The following DNMT1 variants were observed in gnomAD, a reference collection of about 807,000 sequenced individuals.
The protein encoded by DNMT1 is DNA methyltransferase 1, also known as DNA (cytosine-5)-methyltransferase 1.
Under a neutral mutation model 205.3 loss-of-function variants are expected in DNMT1, and 24 were observed. That is an observed-to-expected ratio of 0.12 (90% CI 0.08 to 0.16). The LOEUF is 0.16. Among genes scored for constraint, DNMT1 ranks in the 10% least tolerant of loss-of-function variants. DNMT1 has a pLI of 1.00. For missense variants in DNMT1, 1,293 were observed against 2,177.7 expected, an observed-to-expected ratio of 0.59 and a Z score of 8.09; for synonymous variants, 817 against 839.8, an observed-to-expected ratio of 0.97 and a Z score of 0.47.
chr19:10,183,125 A>ATATACGTGTGTGTATATATATATAT (rs767124770), intron 1 of DNMT1, among the ~76,000 whole-genome samples: 48 of 117,464 alleles, frequency 4.1e-4, no homozygotes, highest in African/African-American at 1.4e-3. Flanking sequence ...ATATATATAT[A>ATATACGTGTGTGTATATATATATAT]TTTTTTTTTT....
rs377486772 is a variant in DNMT1, at chr19:10,168,435, T to C, written c.769-71A>G. 8 of 1,532,522 alleles carry C rather than the reference T, an allele frequency of 5.2e-6. No homozygotes were observed. In the African/African-American group the frequency reaches 5.5e-5, roughly 10 times the overall value. 94.9% of individuals were successfully genotyped at this position (1,532,522 alleles called of 1,614,324 possible). A position where few individuals can be genotyped will look rare whatever the true frequency, so the allele number is the denominator to read the frequency against. On this transcript the variant is annotated intron_variant, in intron 9 of 40. Coordinates refer to ENST00000359526, the MANE Select transcript of DNMT1 (RefSeq NM_001130823.3). ...TGGATCTTTCTATTAAAGTGTCCTA[T>C]GGAAATAAAACACCTGAACTGATTC... is the stretch of plus-strand genomic sequence containing the variant.
intron 6 of DNMT1, among the ~76,000 whole-genome samples, chr19:10,176,061 A>T (rs1227266334): frequency 6.6e-6 from 1 of 152,064 alleles, no homozygotes; most frequent in East Asian, 1.9e-4. Context: ...CCAGCTACTC[A>T]GGAGGCTGAG....
At chr19:10,141,986 C>A (rs1434956370) in intron 30 of DNMT1, 42 bp downstream of exon 30, 1 of 1,607,890 alleles carries the variant, frequency 6.2e-7, no homozygotes, top group South Asian at 1.1e-5. Flanking sequence ...TTCTGGCCAA[C>A]TTTGACCCCG....
In DNMT1 at chr19:10,159,211, A is replaced by C. The variant is rs1396682960; in HGVS notation, c.1280+447T>G. 6.6e-6 allele frequency among the ~76,000 whole-genome samples: 1 copy of C among 152,146 alleles called. No homozygotes were observed. The highest frequency in any genetic ancestry group is 2.4e-5 in the African/African-American group (1 of 41,440). ...ATCAGCAAAGCTCTATTGTCCCTTCATCAGCTTTCCACGTGGCTCTTTGAG... is the reference window on the plus strand; with the variant it reads ...ATCAGCAAAGCTCTATTGTCCCTTCCTCAGCTTTCCACGTGGCTCTTTGAG... On this transcript the variant is annotated intron_variant, in intron 17 of 40. Coordinates refer to ENST00000359526, the MANE Select transcript of DNMT1 (RefSeq NM_001130823.3). The surrounding 1 kb of genome is among the most constrained non-coding windows in gnomAD (Gnocchi z 5.0).
chr19:10,142,423 T>C (rs8112801), intron 29 of DNMT1, among the ~76,000 whole-genome samples: 28 of 147,808 alleles, frequency 1.9e-4, no homozygotes, highest in African/African-American at 5.5e-4. Flanking sequence ...CAAGGTAGAC[T>C]CCCCCCCATT....
chr19:10,170,409 C>T (rs915387004), intron 9 of DNMT1, among the ~76,000 whole-genome samples: 28 of 151,680 alleles, frequency 1.8e-4, no homozygotes, highest in African/African-American at 6.0e-4. Flanking sequence ...GAGGCCGAGG[C>T]GGGTGGATCA....
At chr19:10,149,728 G>A in intron 25 of DNMT1, 71 bp from the exon 26 acceptor site, 2 of 1,610,100 alleles carry the variant, frequency 1.2e-6, no homozygotes, top group East Asian at 2.2e-5. Flanking sequence ...AGTCTATGCA[G>A]GAGCACTCGT....
At position 10,159,794 on chromosome 19, in the gene DNMT1, T is replaced by C. The variant is rs533939191; in HGVS notation, c.1171-27A>G. ...TGAAGGACACGGGGCTGGTGAGCAG[T>C]GGGACAAGGGACAGGCAGAGGAAGG... On this transcript the variant is annotated intron_variant, in intron 16 of 40. Coordinates refer to ENST00000359526, the MANE Select transcript of DNMT1 (RefSeq NM_001130823.3). The surrounding 1 kb of genome is among the most constrained non-coding windows in gnomAD (Gnocchi z 5.0). 1.1e-5 allele frequency: 18 copies of C among 1,613,966 alleles called. No individual in the cohort carries two copies. Among genetic ancestry groups the C allele is most frequent in the Admixed American group, 6.7e-5 (4 of 59,990 alleles).
intron 1 of DNMT1, among the ~76,000 whole-genome samples, chr19:10,189,952 C>T (rs2039268072): frequency 6.6e-6 from 1 of 152,208 alleles, no homozygotes; most frequent in Admixed American, 6.5e-5. Context: ...GCCCCACCCC[C>T]TTTTTATAGA....
At chr19:10,141,006 G>A (rs1057350237) in intron 31 of DNMT1, 97 bp from the exon 32 acceptor site, 9 of 1,613,132 alleles carry the variant, frequency 5.6e-6, no homozygotes, top group African/African-American at 2.7e-5. Context: ...CGCTGTCCCA[G>A]AGTCAGTAAC....
At chr19:10,166,929 G>C (rs2038708101) in intron 10 of DNMT1, among the ~76,000 whole-genome samples, 1 of 152,240 alleles carries the variant, frequency 6.6e-6, no homozygotes, top group Admixed American at 6.5e-5. Context: ...ACAAAAAGCA[G>C]ACAAAGGGAT....
chr19:10,180,850 T>A lies in DNMT1; in HGVS notation c.153A>T (p.Glu51Asp), dbSNP rs1401965330. The stretch of plus-strand genomic sequence containing the variant: ...GATTCTTTATTTCTGTTTGCAGAAA[T>A]TCGTGCAAGAGATTCAATTTCTCCT... ...CVKEKLNLLH[E>D]FLQTEIKNQL... Residue 51 changes from glutamate to aspartate, a missense_variant, in exon 3 of 41, where the codon GAA becomes GAT. Transcript: ENST00000359526. The A allele has an allele frequency of 4.3e-6, 7 of 1,614,084 alleles. No homozygotes were observed. Among genetic ancestry groups the A allele is most frequent in the Non-Finnish European group, 5.9e-6 (7 of 1,180,034 alleles).
At chr19:10,191,738 G>C (rs996713288) in intron 1 of DNMT1, among the ~76,000 whole-genome samples, 5 of 152,084 alleles carry the variant, frequency 3.3e-5, no homozygotes, top group African/African-American at 1.2e-4. Context: ...GCTCACGCCT[G>C]TAATCTCAGC....
intron 27 of DNMT1, among the ~76,000 whole-genome samples, chr19:10,148,409 T>C (rs970442827): frequency 2.7e-5 from 4 of 145,568 alleles, no homozygotes; most frequent in Non-Finnish European, 5.9e-5. Context: ...GGCAGGAGAA[T>C]GGCATGAACC....
At chr19:10,194,666 C>A (rs1314158273) in intron 1 of DNMT1, 154 bp downstream of exon 1, 3 of 1,101,364 alleles carry the variant, frequency 2.7e-6, no homozygotes, top group Non-Finnish European at 3.7e-6. Flanking sequence ...GGAAGTGCCA[C>A]CCTGCCCGCG....
chr19:10,148,267 C>A (rs536436713), intron 27 of DNMT1, among the ~76,000 whole-genome samples: 1 of 151,186 alleles, frequency 6.6e-6, no homozygotes, highest in Admixed American at 6.6e-5. Context: ...GAGGCCAAGG[C>A]GGGCAGATCA....
At chr19:10,191,364 TAAAA>T (rs548166248) in intron 1 of DNMT1, among the ~76,000 whole-genome samples, 1 of 129,292 alleles carries the variant, frequency 7.7e-6, no homozygotes, top group Non-Finnish European at 1.7e-5. Flanking sequence ...TTTCAAAATG[TAAAA>T]AAAAAAAAAA....
Position 10,173,162 on chromosome 19 carries a change from C to T in DNMT1, c.696G>A (p.Pro232=), listed in dbSNP as rs750234435. The T allele has an allele frequency of 9.9e-6, 16 of 1,614,008 alleles. 1 individual carries two copies. Among genetic ancestry groups the T allele is most frequent in the South Asian group, 4.4e-5 (4 of 91,080 alleles). ...RVTSRERVAR[P]LPAEEPERAK... is the part of the protein sequence containing the mutation. ...CTCTTTCAGGTTCTTCTGCAGGAAG[C>T]GGTCTAGCAACTCTGTCAAGCAAAA... Residue 232 remains proline (P), a synonymous_variant, in exon 9 of 41, where the codon CCG becomes CCA. Coordinates refer to ENST00000359526, the MANE Select transcript of DNMT1 (RefSeq NM_001130823.3).
chr19:10,173,218 G>GCTTCC (rs756663554), intron 8 of DNMT1, 44 bp from the exon 9 acceptor site: 11 of 1,602,848 alleles, frequency 6.9e-6, no homozygotes, highest in African/African-American at 1.3e-5. Context: ...AGTGCCAGGA[G>GCTTCC]CTTCCCCAAA....
Sources: allele counts gnomAD v4.1 joint callset (sites outside exome capture counted in the v4.1 genomes callset), GRCh38; gene constraint gnomAD v4.1.1; non-coding constraint Gnocchi (gnomAD v3.1); transcripts MANE v1.5; gene names NCBI Gene and HGNC (gene_info 2026-07-23, HGNC 2026-07-21).